The following CDS1 variants were observed in gnomAD, a reference collection of about 807,000 sequenced individuals.
CDS1 encodes the protein phosphatidate cytidylyltransferase 1.
Under a neutral mutation model 62.1 loss-of-function variants are expected in CDS1, and 41 were observed. The ratio of observed to expected loss-of-function variants is 0.66; its 90% CI spans 0.51 to 0.86. CDS1 has a LOEUF of 0.86. Among genes scored for constraint, CDS1 ranks in the 40% least tolerant of loss-of-function variants. The probability of loss-of-function intolerance (pLI) is 0.00; values close to 1 mark genes in which losing one functional copy is unlikely to be tolerated. For synonymous variants in CDS1, 185 were observed against 192.6 expected (o/e 0.96, Z 0.32); for missense variants, 470 against 550.1 (o/e 0.85, Z 1.46).
At chr4:84,648,473 T>G in intron 12 of CDS1, 84 bp from the exon 13 acceptor site, 1 of 1,248,702 alleles carries the variant, frequency 8.0e-7, no homozygotes, top group Non-Finnish European at 1.1e-6. Flanking sequence ...CTTAAAGGAA[T>G]GGTTTGTTTT....
At chr4:84,636,652 G>A (rs933433742) in intron 8 of CDS1, among the ~76,000 whole-genome samples, 1 of 152,156 alleles carries the variant, frequency 6.6e-6, no homozygotes, top group Admixed American at 6.5e-5. Context: ...AGCCTCCCAA[G>A]TATCTGGGAT....
At chr4:84,637,221 A>C (rs1724239105) in intron 8 of CDS1, among the ~76,000 whole-genome samples, 1 of 152,234 alleles carries the variant, frequency 6.6e-6, no homozygotes, top group Admixed American at 6.5e-5. Flanking sequence ...AGAGTTTCTA[A>C]AGCTTGAATA....
intron 5 of CDS1, among the ~76,000 whole-genome samples, chr4:84,623,366 A>C (rs1723749543): frequency 6.6e-6 from 1 of 152,174 alleles, no homozygotes; most frequent in Non-Finnish European, 1.5e-5. Context: ...GCTAGGGCTC[A>C]CACTTATTGT....
intron 5 of CDS1, among the ~76,000 whole-genome samples, chr4:84,623,660 A>G (rs1374478973): frequency 6.6e-6 from 1 of 152,246 alleles, no homozygotes; most frequent in Non-Finnish European, 1.5e-5. Context: ...TATCATTTAA[A>G]AACAAAAAGC....
intron 3 of CDS1, among the ~76,000 whole-genome samples, chr4:84,612,012 G>T (rs750685302): frequency 6.6e-6 from 1 of 151,982 alleles, no homozygotes. Flanking sequence ...TGAGAGCAAG[G>T]AGTTCCACAA....
At chr4:84,596,966 C>G (rs1722770557) in intron 1 of CDS1, among the ~76,000 whole-genome samples, 1 of 152,120 alleles carries the variant, frequency 6.6e-6, no homozygotes, top group Non-Finnish European at 1.5e-5. Flanking sequence ...TGGGTGTGGC[C>G]AAAGCCCTGG....
At chr4:84,640,776 G>A in intron 9 of CDS1, 62 bp from the exon 10 acceptor site, 1 of 1,296,686 alleles carries the variant, frequency 7.7e-7, no homozygotes, top group East Asian at 2.7e-5. Flanking sequence ...TATATGTTTA[G>A]TCAATGTGTT....
intron 1 of CDS1, among the ~76,000 whole-genome samples, chr4:84,594,196 A>G (rs1340536150): frequency 6.6e-6 from 1 of 152,212 alleles, no homozygotes; most frequent in East Asian, 1.9e-4. Flanking sequence ...TTGTTTAATT[A>G]CATATGTGCA....
At chr4:84,636,055 G>A (rs1724199847) in intron 8 of CDS1, among the ~76,000 whole-genome samples, 1 of 151,784 alleles carries the variant, frequency 6.6e-6, no homozygotes, top group Non-Finnish European at 1.5e-5. Flanking sequence ...CCGCCCCTGG[G>A]CTCTGTGGTT....
At chr4:84,645,385 A>T (rs1021828833) in intron 12 of CDS1, 60 bp downstream of exon 12, 90 of 1,050,576 alleles carry the variant, frequency 8.6e-5, no homozygotes, top group South Asian at 2.6e-5. Context: ...TTCCATCAAC[A>T]TTAGTTTGAG....
intron 2 of CDS1, among the ~76,000 whole-genome samples, chr4:84,608,168 G>A (rs1376661370): frequency 6.6e-6 from 1 of 152,182 alleles, no homozygotes; most frequent in Non-Finnish European, 1.5e-5. Context: ...AAGGCCCAAG[G>A]ATAAAGAAAT....
At chr4:84,639,656 T>C (rs1226816743) in intron 9 of CDS1, among the ~76,000 whole-genome samples, 1 of 152,170 alleles carries the variant, frequency 6.6e-6, no homozygotes, top group Non-Finnish European at 1.5e-5. Context: ...GAAGCTTTAC[T>C]TTTCCTAGTT....
intron 1 of CDS1, among the ~76,000 whole-genome samples, chr4:84,594,882 A>G (rs544748085): frequency 1.3e-5 from 2 of 151,998 alleles, no homozygotes; most frequent in South Asian, 4.2e-4. Context: ...ATGCCCAGCT[A>G]ATTTTTACAT....
intron 5 of CDS1, among the ~76,000 whole-genome samples, chr4:84,622,450 G>C (rs372766996): frequency 6.6e-6 from 1 of 151,798 alleles, no homozygotes; most frequent in African/African-American, 2.4e-5. Flanking sequence ...AAAATTAGCC[G>C]GGTGCGGTGG....
At chr4:84,624,388 C>A (rs1052099481) in intron 5 of CDS1, among the ~76,000 whole-genome samples, 1 of 151,630 alleles carries the variant, frequency 6.6e-6, no homozygotes, top group African/African-American at 2.4e-5. Context: ...CCTCCTCCAC[C>A]TCAGTGCCTT....
chr4:84,588,296 C>G (rs1722478189), intron 1 of CDS1, among the ~76,000 whole-genome samples: 1 of 152,150 alleles, frequency 6.6e-6, no homozygotes, highest in Non-Finnish European at 1.5e-5. Flanking sequence ...CAGTTAACGT[C>G]TCTCCTCCAT....
rs538021883 is a variant in CDS1, at chr4:84,593,919, G to A, written c.118-10324G>A. On this transcript the variant is annotated intron_variant, in intron 1 of 12. Coordinates refer to ENST00000295887, the MANE Select transcript of CDS1 (RefSeq NM_001263.4). Reference sequence around the variant, plus strand: ...TTGTTCTTTGCATCATAAATTCCAGGAAGATAAGGGGTGAGGCAGCGAGTC... The same window carrying A: ...TTGTTCTTTGCATCATAAATTCCAGAAAGATAAGGGGTGAGGCAGCGAGTC... Among the ~76,000 whole-genome samples, 303 of 152,292 alleles carry A rather than the reference G, an allele frequency of 2.0e-3. 3 individuals carry two copies. Among genetic ancestry groups the A allele is most frequent in the East Asian group, 1.7e-3 (9 of 5,182 alleles).
Position 84,650,439 on chromosome 4 carries a change from G to C in CDS1, c.*1753G>C, listed in dbSNP as rs569362224. On this transcript the variant is annotated 3_prime_UTR_variant, in exon 13 of 13. Coordinates refer to ENST00000295887, the MANE Select transcript of CDS1 (RefSeq NM_001263.4). Reference sequence around the variant, plus strand: ...TTTTCAACATCTCATGTTTTTATTTGTCCCATTACAGCCTCAAATGTTGGT... The same window carrying C: ...TTTTCAACATCTCATGTTTTTATTTCTCCCATTACAGCCTCAAATGTTGGT... The C allele has an allele frequency of 3.9e-5, 6 of 152,212 alleles. No homozygotes were observed. The highest frequency in any genetic ancestry group is 1.2e-4 in the African/African-American group (5 of 41,526). 9.4% of individuals were successfully genotyped at this position (152,212 alleles called of 1,614,324 possible).
intron 11 of CDS1, among the ~76,000 whole-genome samples, chr4:84,644,339 A>T (rs550591181): frequency 6.6e-6 from 1 of 152,338 alleles, no homozygotes; most frequent in Non-Finnish European, 1.5e-5. Context: ...GCATTGAGTT[A>T]CTGTGGCTCT....
Sources: allele counts gnomAD v4.1 joint callset (sites outside exome capture counted in the v4.1 genomes callset), GRCh38; gene constraint gnomAD v4.1.1; transcripts MANE v1.5; gene names NCBI Gene and HGNC (gene_info 2026-07-23, HGNC 2026-07-21).